Variants in UHRF1 observed in about 807,000 individuals in gnomAD.
The protein encoded by UHRF1 is E3 ubiquitin-protein ligase UHRF1.
In UHRF1, 9 loss-of-function variants were observed where a neutral mutation model predicts 96.5. The ratio of observed to expected loss-of-function variants is 0.09; its 90% confidence interval spans 0.06 to 0.16. UHRF1 has a LOEUF of 0.16. UHRF1 is among the 10% of genes least tolerant of loss of function. The pLI, the probability that UHRF1 is intolerant of heterozygous loss-of-function variation, is 1.00. For missense variants in UHRF1, 626 were observed against 1,131.1 expected, an observed-to-expected ratio of 0.55 and a Z score of 6.40; for synonymous variants, 455 against 469.9, an observed-to-expected ratio of 0.97 and a Z score of 0.41.
chr19:4,944,246 C>T lies in UHRF1; in HGVS notation c.1188C>T (p.Asp396=). 3 of 1,614,056 alleles carry T rather than the reference C, an allele frequency of 1.9e-6. No individual in the cohort carries two copies. The highest frequency in any genetic ancestry group is 2.5e-6 in the Non-Finnish European group (3 of 1,179,900). Reference sequence around the variant, plus strand: ...CGGCCACATCGTCCTCACAGCGGGACTGGGGCAAGGTGAGGCGGGTCCTTC... The same window carrying T: ...CGGCCACATCGTCCTCACAGCGGGATTGGGGCAAGGTGAGGCGGGTCCTTC... ...MASATSSSQR[D]WGKGMACVGR... The change falls in exon 8 of 17, where the codon GAC becomes GAT. Residue 396 remains aspartate, a synonymous_variant. Transcript: ENST00000650932.
rs1432574042 is a variant in UHRF1 at position 4,910,659 on chromosome 19, C to G, written c.-10-217C>G. ...CCCTCTTTTCATTCTCCTTCCTCCT[C>G]AATCTTCAACACTTGGCTAGTCGTT... On this transcript the variant is annotated intron_variant, in intron 1 of 16. Coordinates refer to ENST00000650932, the MANE Select transcript of UHRF1 (RefSeq NM_001048201.3). The G allele has an allele frequency of 7.1e-6, 3 of 420,102 alleles. No individual in the cohort carries two copies. The Admixed American group carries it at 1.3e-4, about 18-fold the overall frequency. 26.0% of individuals were successfully genotyped at this position (420,102 alleles called of 1,614,324 possible).
At chr19:4,938,232 T>C (rs1043134419) in intron 5 of UHRF1, among the ~76,000 whole-genome samples, 1 of 151,992 alleles carries the variant, frequency 6.6e-6, no homozygotes, top group African/African-American at 2.4e-5. Context: ...TTTTATGAAT[T>C]GAATTTCTTC....
At chr19:4,912,497 G>C (rs2032322354) in intron 2 of UHRF1, among the ~76,000 whole-genome samples, 1 of 152,144 alleles carries the variant, frequency 6.6e-6, no homozygotes, top group Non-Finnish European at 1.5e-5. Context: ...CAGCCACCGA[G>C]CTAGCATTTT....
intron 7 of UHRF1, among the ~76,000 whole-genome samples, chr19:4,943,305 G>A (rs944502412): frequency 2.6e-5 from 4 of 152,076 alleles, no homozygotes; most frequent in Admixed American, 6.6e-5. Context: ...TGAGACCTGC[G>A]GCCAGCCAGG....
chr19:4,929,122 CA>C (rs2032966941), intron 2 of UHRF1, 99 bp from the exon 3 acceptor site: 1 of 1,439,292 alleles, frequency 6.9e-7, no homozygotes, highest in Non-Finnish European at 9.4e-7. Flanking sequence ...GCCCCCCCCC[CA>C]CAAGGGCTGG....
At position 4,941,237 on chromosome 19, in the gene UHRF1, C is replaced by T. The variant is rs933687160; in HGVS notation, c.786-291C>T. ...TCCCGAGTAGCTGGGATTACATGCGCGCTTCTCCAAGCTCAGCTAATTTTT... is the reference window on the plus strand; with the variant it reads ...TCCCGAGTAGCTGGGATTACATGCGTGCTTCTCCAAGCTCAGCTAATTTTT... On this transcript the variant is annotated intron_variant, in intron 5 of 16. Transcript: ENST00000650932. Among the ~76,000 whole-genome samples, 11 of 151,738 alleles carry T rather than the reference C, an allele frequency of 7.2e-5. No individual in the cohort carries two copies. In the East Asian group the frequency reaches 1.6e-3, roughly 21 times the overall value.
intron 2 of UHRF1, among the ~76,000 whole-genome samples, chr19:4,915,510 T>G (rs151138842): frequency 1.8e-3 from 277 of 152,216 alleles, no homozygotes; most frequent in Middle Eastern, 0.017. Flanking sequence ...GGTCAGGAGT[T>G]CTAGAACAGC....
At chr19:4,909,744 G>A (rs1163932365) in intron 1 of UHRF1, 89 bp downstream of exon 1, 2 of 489,022 alleles carry the variant, frequency 4.1e-6, no homozygotes, top group Admixed American at 8.8e-5. Context: ...CGGCCAGCCC[G>A]GGCGCACGCA....
In UHRF1 at chr19:4,954,735, C is replaced by G; in HGVS notation, c.2043C>G (p.Ser681Arg). 5 of 1,613,802 alleles carry G rather than the reference C, an allele frequency of 3.1e-6. No homozygotes were observed. The highest frequency in any genetic ancestry group is 4.2e-6 in the Non-Finnish European group (5 of 1,179,806). Reference protein sequence around the residue: ...VEPYSLTAQQSSLIREDKSNA... With the variant: ...VEPYSLTAQQRSLIREDKSNA... Reference sequence around the variant, plus strand: ...CCTACAGTCTCACGGCCCAGCAGAGCAGCCTCATCAGAGAGGACAAGAGCA... The same window carrying G: ...CCTACAGTCTCACGGCCCAGCAGAGGAGCCTCATCAGAGAGGACAAGAGCA... Residue 681 changes from serine (S) to arginine (R), a missense_variant, in exon 15 of 17, where the codon AGC becomes AGG. Coordinates refer to ENST00000650932, the MANE Select transcript of UHRF1 (RefSeq NM_001048201.3). This position sits in a 1 kb window ranked among gnomAD's most constrained non-coding sequence, Gnocchi z 5.9.
At position 4,941,551 on chromosome 19, in the gene UHRF1, G is replaced by A. The variant is rs752967075; in HGVS notation, c.809G>A (p.Arg270Gln). The stretch of plus-strand genomic sequence containing the variant: ...AGGGATGATTCTCTGAACGACTGTC[G>A]GATCATCTTCGTGGACGAAGTCTTC... The part of the protein sequence containing the change: ...VLGDDSLNDC[R>Q]IIFVDEVFKI... The change falls in exon 6 of 17, where the codon CGG becomes CAG. Residue 270 changes from arginine to glutamine, a missense_variant. Arg to Gln is a conservative substitution (Grantham distance 43, BLOSUM62 1). Transcript: ENST00000650932. 1.2e-5 allele frequency: 19 copies of A among 1,613,404 alleles called. No homozygotes were observed. The highest frequency in any genetic ancestry group is 4.5e-5 in the East Asian group (2 of 44,870).
exon 1 of UHRF1, chr19:4,903,201 G>A (rs2031983905): frequency 4.2e-6 from 1 of 239,342 alleles, no homozygotes; most frequent in South Asian, 5.4e-5. Context: ...TAATTTTTTG[G>A]TAGAGACAGA....
At position 4,929,242 on chromosome 19, in the gene UHRF1, C is replaced by T. The variant is rs1274283835; in HGVS notation, c.174C>T (p.Leu58=). ...RGKQMEDGHT[L]FDYEVRLNDT... ...TGCAGATGGAGGACGGCCATACCCTCTTCGACTACGAGGTCCGCCTGAATG... is the reference window on the plus strand; with the variant it reads ...TGCAGATGGAGGACGGCCATACCCTTTTCGACTACGAGGTCCGCCTGAATG... Residue 58 remains leucine, a synonymous_variant, in exon 3 of 17, where the codon CTC becomes CTT. Transcript: ENST00000650932. The T allele has an allele frequency of 3.1e-6, 5 of 1,613,746 alleles. No homozygotes were observed. Among genetic ancestry groups the T allele is most frequent in the African/African-American group, 2.7e-5 (2 of 74,944 alleles).
chr19:4,939,841 G>A (rs540876791), intron 5 of UHRF1, among the ~76,000 whole-genome samples: 43 of 152,164 alleles, frequency 2.8e-4, no homozygotes, highest in African/African-American at 6.0e-4. Flanking sequence ...TGGCAAACAC[G>A]GTGAAACCCC....
intron 2 of UHRF1, among the ~76,000 whole-genome samples, chr19:4,912,591 A>C (rs1419910656): frequency 6.6e-6 from 1 of 152,140 alleles, no homozygotes; most frequent in South Asian, 2.1e-4. Context: ...ATTCTGACTT[A>C]TTAGGTTTAT....
At chr19:4,921,424 A>C (rs895121346) in intron 2 of UHRF1, among the ~76,000 whole-genome samples, 1 of 147,378 alleles carries the variant, frequency 6.8e-6, no homozygotes, top group Non-Finnish European at 1.5e-5. Flanking sequence ...GGGCAACAAG[A>C]GTGAAACTCC....
chr19:4,910,737 T>TAC (rs1450460367), intron 1 of UHRF1, 139 bp from the exon 2 acceptor site: 1 of 1,012,110 alleles, frequency 9.9e-7, no homozygotes, highest in Non-Finnish European at 1.4e-6. Context: ...GGTCTGGCTG[T>TAC]ACAGGAGGAC....
intron 2 of UHRF1, 54 bp from the exon 3 acceptor site, chr19:4,929,168 A>G: frequency 4.4e-6 from 7 of 1,574,964 alleles, no homozygotes; most frequent in Non-Finnish European, 5.2e-6. Context: ...GTGCCCACAG[A>G]TGCCCACTTG....
At chr19:4,907,056 A>C (rs1335471891), upstream of UHRF1, among the ~76,000 whole-genome samples, 1 of 152,232 alleles carries the variant, frequency 6.6e-6, no homozygotes, top group Non-Finnish European at 1.5e-5. Flanking sequence ...ATTAGAATGC[A>C]GGAGCTTCCC....
chr19:4,944,574 A>T, intron 9 of UHRF1, 124 bp downstream of exon 9: 1 of 1,046,708 alleles, frequency 9.6e-7, no homozygotes, highest in Non-Finnish European at 1.4e-6. Flanking sequence ...CGGCTAGCCG[A>T]GGAGGGGTGT....
Sources: allele counts gnomAD v4.1 joint callset (sites outside exome capture counted in the v4.1 genomes callset), GRCh38; gene constraint gnomAD v4.1.1; non-coding constraint Gnocchi (gnomAD v3.1); transcripts MANE v1.5; gene names NCBI Gene and HGNC (gene_info 2026-07-23, HGNC 2026-07-21).